SYTL3: variants seen among roughly 807,000 people sequenced by gnomAD.
SYTL3 encodes synaptotagmin-like protein 3.
A neutral mutation model predicts 82.1 loss-of-function variants in SYTL3; 88 were observed. The observed-to-expected ratio is 1.07, with a 90% confidence interval of 0.90 to 1.28. The LOEUF (loss-of-function observed/expected upper bound fraction) is 1.28, where lower values mean the gene tolerates loss of function less well. SYTL3 is among the 50% of genes most tolerant of loss of function. SYTL3 has a pLI of 0.00. For synonymous variants in SYTL3, 311 were observed against 289.4 expected, an observed-to-expected ratio of 1.07 and a Z score of -0.76; for missense variants, 831 against 757.6, an observed-to-expected ratio of 1.10 and a Z score of -1.14.
chr6:158,732,436 C>T (rs983514244), intron 11 of SYTL3, among the ~76,000 whole-genome samples: 7 of 152,228 alleles, frequency 4.6e-5, no homozygotes, highest in Non-Finnish European at 7.3e-5. Context: ...GACTGTTACG[C>T]GTGTGCGCAC....
chr6:158,705,727 G>C (rs913095809), intron 6 of SYTL3, among the ~76,000 whole-genome samples: 1 of 41,382 alleles, frequency 2.4e-5, no homozygotes, highest in Admixed American at 1.8e-4. Flanking sequence ...CAGGGTGATA[G>C]GTGAGGGCTG....
chr6:158,665,261 C>T, intron 4 of SYTL3, 134 bp from the exon 5 acceptor site: 2 of 740,618 alleles, frequency 2.7e-6, no homozygotes, highest in Non-Finnish European at 4.5e-6. Flanking sequence ...TTCACACAGC[C>T]ATGTTGGAGT....
chr6:158,695,199 A>T (rs1238982433), intron 6 of SYTL3, among the ~76,000 whole-genome samples: 1 of 152,196 alleles, frequency 6.6e-6, no homozygotes, highest in Non-Finnish European at 1.5e-5. Flanking sequence ...GAAATTTTCT[A>T]CCAAAAAATT....
chr6:158,664,540 C>T (rs964096043), intron 4 of SYTL3, among the ~76,000 whole-genome samples: 4 of 152,110 alleles, frequency 2.6e-5, no homozygotes, highest in African/African-American at 9.7e-5. Context: ...AAGCCTCTGT[C>T]TCAAACCAAC....
At chr6:158,717,071 C>G (rs1415254441) in intron 9 of SYTL3, among the ~76,000 whole-genome samples, 2 of 152,130 alleles carry the variant, frequency 1.3e-5, no homozygotes, top group Non-Finnish European at 2.9e-5. Flanking sequence ...CTCTTGAGCT[C>G]AGGAGTTCGA....
At chr6:158,645,551 T>C (rs1318143825), upstream of SYTL3, among the ~76,000 whole-genome samples, 1 of 152,208 alleles carries the variant, frequency 6.6e-6, no homozygotes. Flanking sequence ...AAGAAAGAGC[T>C]GACTGCAAGG....
intron 8 of SYTL3, among the ~76,000 whole-genome samples, chr6:158,710,452 A>G (rs1034271806): frequency 1.6e-4 from 24 of 152,220 alleles, no homozygotes; most frequent in African/African-American, 5.1e-4. Context: ...AAATATCAAC[A>G]TCTTTATGTA....
At chr6:158,749,532 T>TA (rs1299718076) in intron 12 of SYTL3, among the ~76,000 whole-genome samples, 1 of 132,010 alleles carries the variant, frequency 7.6e-6, no homozygotes, top group African/African-American at 3.1e-5. Flanking sequence ...TTTTTTTTTT[T>TA]AAGAAATGAG....
intron 6 of SYTL3, among the ~76,000 whole-genome samples, chr6:158,690,668 C>CA (rs2128420036): frequency 6.6e-6 from 1 of 152,168 alleles, no homozygotes; most frequent in Non-Finnish European, 1.5e-5. Flanking sequence ...AGCGATAGTA[C>CA]AAAAAATTTT....
chr6:158,728,097 A>C (rs1343181178), intron 11 of SYTL3, among the ~76,000 whole-genome samples: 2 of 152,090 alleles, frequency 1.3e-5, no homozygotes, highest in African/African-American at 4.8e-5. Context: ...GTGTTTTTAT[A>C]ATTTTGATGA....
At chr6:158,760,232 A>G (rs1789725667) in intron 14 of SYTL3, among the ~76,000 whole-genome samples, 2 of 152,216 alleles carry the variant, frequency 1.3e-5, no homozygotes, top group African/African-American at 2.4e-5. Flanking sequence ...TGTCTGTGCC[A>G]GTCCTTGGCA....
At chr6:158,698,940 T>A (rs1309001689) in intron 6 of SYTL3, among the ~76,000 whole-genome samples, 1 of 152,176 alleles carries the variant, frequency 6.6e-6, no homozygotes, top group African/African-American at 2.4e-5. Flanking sequence ...ACACAGGATG[T>A]TATTCCCACT....
chr6:158,740,695 C>T (rs1424124794), intron 11 of SYTL3, among the ~76,000 whole-genome samples: 1 of 152,106 alleles, frequency 6.6e-6, no homozygotes, highest in African/African-American at 2.4e-5. Context: ...TTACTGAATG[C>T]TGGACATTGA....
At chr6:158,667,267 A>C (rs1790190348) in intron 5 of SYTL3, among the ~76,000 whole-genome samples, 1 of 152,218 alleles carries the variant, frequency 6.6e-6, no homozygotes, top group South Asian at 2.1e-4. Context: ...CTTGTGTCCC[A>C]GGCACTGTAA....
At chr6:158,732,227 CA>C (rs1162046168) in intron 11 of SYTL3, among the ~76,000 whole-genome samples, 1 of 152,126 alleles carries the variant, frequency 6.6e-6, no homozygotes, top group African/African-American at 2.4e-5. Flanking sequence ...TCCATTTCAC[CA>C]AAAGAATTAC....
chr6:158,733,629 C>T (rs1785718917), intron 11 of SYTL3, among the ~76,000 whole-genome samples: 1 of 151,838 alleles, frequency 6.6e-6, no homozygotes, highest in Admixed American at 6.6e-5. Flanking sequence ...GCCCGGCCAC[C>T]TCTACCTATT....
intron 11 of SYTL3, chr6:158,726,718 TA>T: frequency 3.9e-6 from 1 of 259,608 alleles, no homozygotes. Flanking sequence ...CCCCAGCATC[TA>T]ATTTCCCATA....
At chr6:158,687,887 G>A (rs1359473713) in intron 6 of SYTL3, among the ~76,000 whole-genome samples, 1 of 152,234 alleles carries the variant, frequency 6.6e-6, no homozygotes, top group African/African-American at 2.4e-5. Flanking sequence ...GTATTTAGAT[G>A]TAATGGAAAT....
intron 14 of SYTL3, among the ~76,000 whole-genome samples, chr6:158,758,734 G>A (rs2128545843): frequency 6.6e-6 from 1 of 152,208 alleles, no homozygotes; most frequent in Non-Finnish European, 1.5e-5. Context: ...CCCCTTCCCA[G>A]TGCCTACCTG....
Sources: allele counts gnomAD v4.1 joint callset (sites outside exome capture counted in the v4.1 genomes callset), GRCh38; gene constraint gnomAD v4.1.1; transcripts MANE v1.5; gene names NCBI Gene and HGNC (gene_info 2026-07-23, HGNC 2026-07-21).